The following EXOC6 variants were observed in gnomAD, a reference collection of about 807,000 sequenced individuals.
The protein encoded by EXOC6 is exocyst complex component 6.
Under a neutral mutation model 112.5 loss-of-function variants are expected in EXOC6, and 60 were observed. That is an observed-to-expected ratio of 0.53 (90% confidence interval 0.43 to 0.66). The LOEUF is 0.66. EXOC6 is among the 30% of genes least tolerant of loss of function. The pLI is 0.00. For missense variants in EXOC6, 855 were observed against 957.1 expected (o/e 0.89, Z 1.41); for synonymous variants, 295 against 308.0 (o/e 0.96, Z 0.44).
At chr10:93,051,738 T>C (rs550097185) in intron 20 of EXOC6, among the ~76,000 whole-genome samples, 1 of 152,352 alleles carries the variant, frequency 6.6e-6, no homozygotes, top group African/African-American at 2.4e-5. Context: ...GAATTCCCAG[T>C]GGCAAATTAC....
chr10:93,050,774 A>AAAAAAAAAAAAAAAAAAAC, intron 20 of EXOC6, among the ~76,000 whole-genome samples: 1 of 147,598 alleles, frequency 6.8e-6, no homozygotes, highest in Non-Finnish European at 1.5e-5. Flanking sequence ...AAAAAAAAAA[A>AAAAAAAAAAAAAAAAAAAC]AAAAAAAGAA....
At position 92,893,484 on chromosome 10, in the gene EXOC6, A is replaced by G. The variant is rs1256945017; in HGVS notation, c.237A>G (p.Glu79=). The G allele has an allele frequency of 2.5e-6, 4 of 1,611,952 alleles. No individual in the cohort carries two copies. In the East Asian group the frequency reaches 6.7e-5, roughly 27 times the overall value. The change falls in exon 2 of 22, where the codon GAA becomes GAG. Residue 79 remains glutamate, a synonymous_variant. Coordinates refer to ENST00000260762, the MANE Select transcript of EXOC6 (RefSeq NM_019053.6). The part of the protein sequence containing the change: ...HHQGFVDAIT[E]LLKVRTDAEK... ...AGGGTTTTGTAGATGCTATTACAGA[A>G]CTCCTTAAAGTAAGGACTGATGCAG...
At chr10:93,043,242 T>C (rs997074518) in intron 20 of EXOC6, among the ~76,000 whole-genome samples, 2 of 152,218 alleles carry the variant, frequency 1.3e-5, no homozygotes, top group East Asian at 1.9e-4. Context: ...GCTACAATTA[T>C]TCTTTTAAAA....
intron 17 of EXOC6, among the ~76,000 whole-genome samples, chr10:92,966,797 T>C (rs1589932653): frequency 6.7e-6 from 1 of 148,962 alleles, no homozygotes; most frequent in Non-Finnish European, 1.5e-5. Flanking sequence ...CCTTTGGGTA[T>C]ATACCCAGTA....
chr10:92,850,986 A>G (rs1019180037), intron 1 of EXOC6, among the ~76,000 whole-genome samples: 1 of 152,244 alleles, frequency 6.6e-6, no homozygotes, highest in Non-Finnish European at 1.5e-5. Context: ...AACTATCTGG[A>G]AAATTCCCAA....
intron 1 of EXOC6, among the ~76,000 whole-genome samples, chr10:92,892,702 C>G (rs1849566227): frequency 6.6e-6 from 1 of 152,158 alleles, no homozygotes; most frequent in East Asian, 1.9e-4. Flanking sequence ...GGGGTACGCT[C>G]TCTGTGGAGA....
intron 20 of EXOC6, among the ~76,000 whole-genome samples, chr10:93,031,990 G>A (rs1051136618): frequency 6.6e-6 from 1 of 152,168 alleles, no homozygotes; most frequent in African/African-American, 2.4e-5. Flanking sequence ...ATTAGCCATA[G>A]GCATTACACA....
At chr10:92,923,971 G>GTA (rs1319483934) in intron 8 of EXOC6, among the ~76,000 whole-genome samples, 1 of 152,106 alleles carries the variant, frequency 6.6e-6, no homozygotes, top group African/African-American at 2.4e-5. Context: ...AACTGTATTG[G>GTA]GAGTTCCTTC....
chr10:92,839,885 G>A (rs1846782553), intron 1 of EXOC6, among the ~76,000 whole-genome samples: 1 of 152,008 alleles, frequency 6.6e-6, no homozygotes, highest in African/African-American at 2.4e-5. Flanking sequence ...CCCTGCAGAG[G>A]GCTGGGAAAA....
In EXOC6 at chr10:92,954,706, A is replaced by G. The variant is rs1853595942; in HGVS notation, c.1603A>G (p.Asn535Asp). 10 of 1,603,814 alleles carry G rather than the reference A, an allele frequency of 6.2e-6. No individual in the cohort carries two copies. The highest frequency in any genetic ancestry group is 8.5e-6 in the Non-Finnish European group (10 of 1,171,850). Residue 535 changes from asparagine (N) to aspartate (D), a missense_variant, in exon 16 of 22, where the codon AAC becomes GAC. Physicochemically the swap from Asn to Asp is conservative, Grantham distance 23 (BLOSUM62 1). This residue lies in a region of EXOC6 where 450 missense variants were observed against 563.5 expected (regional missense o/e 0.80). Coordinates refer to ENST00000260762, the MANE Select transcript of EXOC6 (RefSeq NM_019053.6). ...CAGAACTTTGAGTAGCTGTTTACTG[A>G]ACCTTATTAGAAAACCTCATATAGG... ...LTRTLSSCLLNLIRKPHIGLT... is the reference protein window; with the variant it reads ...LTRTLSSCLLDLIRKPHIGLT...
chr10:93,014,295 T>C, intron 20 of EXOC6, 28 bp downstream of exon 20: 1 of 1,567,104 alleles, frequency 6.4e-7, no homozygotes, highest in Non-Finnish European at 8.8e-7. Context: ...ACTTCCCATT[T>C]GTTGCCCTCT....
At position 92,899,288 on chromosome 10, in the gene EXOC6, T is replaced by C. The variant is rs145297610; in HGVS notation, c.413-311T>C. ...GGAAGAAATATTAGTAGTTTCTGGA[T>C]AGGATAATTGTTAGTAGGCTAATGT... On this transcript the variant is annotated intron_variant, in intron 4 of 21. Coordinates refer to ENST00000260762, the MANE Select transcript of EXOC6 (RefSeq NM_019053.6). Among the ~76,000 whole-genome samples the C allele has an allele frequency of 9.2e-5, 14 of 152,296 alleles. No individual in the cohort carries two copies. In the East Asian group the frequency reaches 2.7e-3, roughly 29 times the overall value.
At chr10:93,033,193 A>G (rs1365273689) in intron 20 of EXOC6, among the ~76,000 whole-genome samples, 1 of 152,150 alleles carries the variant, frequency 6.6e-6, no homozygotes, top group East Asian at 1.9e-4. Flanking sequence ...TGGCTGTTTT[A>G]AGGAGAATAG....
intron 1 of EXOC6, among the ~76,000 whole-genome samples, chr10:92,864,688 T>C (rs754552420): frequency 6.6e-6 from 1 of 151,990 alleles, no homozygotes; most frequent in Admixed American, 6.5e-5. Context: ...AAGGGTGAAT[T>C]CTTTCTCTCT....
chr10:92,915,797 CA>C lies in EXOC6; in HGVS notation c.707del (p.Asn236IlefsTer3). 6.5e-7 allele frequency: 1 copy of C among 1,533,452 alleles called. No homozygotes were observed. The highest frequency in any genetic ancestry group is 1.3e-5 in the South Asian group (1 of 76,440). The allele number at this position is 1,533,452 out of a possible 1,614,324, so 95.0% of individuals were successfully genotyped here. A position where few individuals can be genotyped will look rare whatever the true frequency, so the allele number is the denominator to read the frequency against. The part of the protein sequence containing the change: ...QKTFSVSLQK[Q>X]NKMKFGKNMY... ...AACCTTCAGTGTTTCTCTGCAGAAA[CA>C]AAATAAAATGAAATTTGGGAAAAAT... On this transcript the variant is annotated frameshift_variant, in exon 7 of 22. Coordinates refer to ENST00000260762, the MANE Select transcript of EXOC6 (RefSeq NM_019053.6). LOFTEE classifies it high-confidence loss of function.
intron 1 of EXOC6, among the ~76,000 whole-genome samples, chr10:92,866,593 T>G (rs1848184872): frequency 6.6e-6 from 1 of 152,144 alleles, no homozygotes; most frequent in Non-Finnish European, 1.5e-5. Flanking sequence ...TAAAAGTTTG[T>G]CAGAATAATT....
intron 20 of EXOC6, among the ~76,000 whole-genome samples, chr10:93,054,066 T>C (rs954857887): frequency 1.3e-5 from 2 of 152,266 alleles, no homozygotes; most frequent in Non-Finnish European, 2.9e-5. Flanking sequence ...TATTTTATTC[T>C]ATATTAAAGT....
At chr10:92,902,401 A>G (rs1850226525) in intron 5 of EXOC6, among the ~76,000 whole-genome samples, 1 of 151,792 alleles carries the variant, frequency 6.6e-6, no homozygotes. Flanking sequence ...ACATTTTAAA[A>G]TCTCTTTGTC....
chr10:92,920,566 G>T (rs574534404), intron 8 of EXOC6, among the ~76,000 whole-genome samples: 66 of 152,190 alleles, frequency 4.3e-4, no homozygotes, highest in Admixed American at 1.3e-3. Context: ...TGTGTATCTG[G>T]CTGTTATTAG....
Sources: gnomAD v4.1 joint callset for allele counts (sites outside exome capture counted in the v4.1 genomes callset) on GRCh38, gnomAD v4.1.1 for gene constraint, gnomAD v4.1.1 regional missense constraint, MANE v1.5 for transcripts, NCBI Gene and HGNC (gene_info 2026-07-23, HGNC 2026-07-21) for gene names.